DLG2: variants seen among roughly 807,000 people sequenced by gnomAD.
DLG2 encodes the protein discs large MAGUK scaffold protein 2, also known as disks large homolog 2.
A neutral mutation model predicts 132.5 loss-of-function variants in DLG2; 45 were observed. The ratio of observed to expected loss-of-function variants is 0.34; its 90% CI spans 0.27 to 0.44. The LOEUF is 0.44. Ranked by LOEUF, DLG2 falls within the 20% of genes least tolerant of loss-of-function variation. DLG2 has a pLI of 1.00. For synonymous variants in DLG2, 424 were observed against 419.6 expected, an observed-to-expected ratio of 1.01 and a Z score of -0.13; for missense variants, 1,045 against 1,196.9, an observed-to-expected ratio of 0.87 and a Z score of 1.87.
At chr11:84,997,368 C>T (rs544461994) in intron 6 of DLG2, 3 of 152,138 alleles carry the variant, frequency 2.0e-5, no homozygotes, top group Non-Finnish European at 2.9e-5. Context: ...TGTTATATCT[C>T]TAGGCACCCA....
At chr11:84,885,859 T>TA (rs2088194270) in intron 6 of DLG2, among the ~76,000 whole-genome samples, 1 of 121,674 alleles carries the variant, frequency 8.2e-6, no homozygotes, top group Non-Finnish European at 1.8e-5. Context: ...GTGTAAAAAC[T>TA]GCAAGATAAC....
At chr11:83,898,027 G>T (rs1596116701) in intron 15 of DLG2, among the ~76,000 whole-genome samples, 1 of 152,178 alleles carries the variant, frequency 6.6e-6, no homozygotes, top group African/African-American at 2.4e-5. Flanking sequence ...AAGTCCAAAG[G>T]CTGTGCTTTT....
chr11:85,360,109 G>C (rs754142129), intron 3 of DLG2, among the ~76,000 whole-genome samples: 1 of 152,150 alleles, frequency 6.6e-6, no homozygotes, highest in Non-Finnish European at 1.5e-5. Context: ...GATTCAGTTG[G>C]ACGGAAAAGT....
chr11:85,194,768 G>A (rs1328146751), intron 4 of DLG2, among the ~76,000 whole-genome samples: 2 of 152,156 alleles, frequency 1.3e-5, no homozygotes, highest in African/African-American at 2.4e-5. Context: ...TACCGATTGG[G>A]ATGGGGGAGT....
At chr11:84,070,856 G>C (rs1430913236) in intron 10 of DLG2, among the ~76,000 whole-genome samples, 1 of 152,076 alleles carries the variant, frequency 6.6e-6, no homozygotes, top group Non-Finnish European at 1.5e-5. Context: ...AACCCAGCCT[G>C]GCACCTATCT....
At chr11:84,682,156 C>T (rs1031885397) in intron 6 of DLG2, among the ~76,000 whole-genome samples, 20 of 152,152 alleles carry the variant, frequency 1.3e-4, no homozygotes, top group African/African-American at 4.6e-4. Flanking sequence ...CCAAACACCT[C>T]GCATTAAGCC....
At chr11:84,067,202 C>T (rs988592025) in intron 10 of DLG2, among the ~76,000 whole-genome samples, 10 of 151,976 alleles carry the variant, frequency 6.6e-5, no homozygotes, top group South Asian at 6.3e-4. Context: ...GGCATGGTGG[C>T]GGGCCTCTGT....
intron 7 of DLG2, among the ~76,000 whole-genome samples, chr11:84,357,916 G>T (rs1200283325): frequency 6.6e-6 from 1 of 151,718 alleles, no homozygotes; most frequent in African/African-American, 2.4e-5. Context: ...TAATTTTCTA[G>T]AAGTTGGCCA....
chr11:85,042,206 T>C (rs1470714730), intron 6 of DLG2, among the ~76,000 whole-genome samples: 1 of 151,968 alleles, frequency 6.6e-6, no homozygotes, highest in Non-Finnish European at 1.5e-5. Context: ...AAGAGATCTA[T>C]ATGTCAGCTA....
At chr11:84,626,283 C>T (rs1743010436) in intron 6 of DLG2, among the ~76,000 whole-genome samples, 1 of 152,122 alleles carries the variant, frequency 6.6e-6, no homozygotes, top group Non-Finnish European at 1.5e-5. Context: ...ATCTCTGGTA[C>T]CCCTGGCAAC....
At chr11:84,362,246 C>G (rs993545428) in intron 7 of DLG2, among the ~76,000 whole-genome samples, 3 of 151,924 alleles carry the variant, frequency 2.0e-5, no homozygotes, top group Non-Finnish European at 4.4e-5. Context: ...TACTAGTACT[C>G]AGAATCTACT....
chr11:84,665,088 T>G (rs548705177), intron 6 of DLG2, among the ~76,000 whole-genome samples: 2 of 152,252 alleles, frequency 1.3e-5, no homozygotes, highest in East Asian at 3.9e-4. Context: ...GAAGCAGAGC[T>G]GGCCCTTACC....
At chr11:84,027,582 A>C (rs79775898) in intron 11 of DLG2, among the ~76,000 whole-genome samples, 5,471 of 152,216 alleles carry the variant, frequency 0.036, 295 homozygotes, top group African/African-American at 0.12. Context: ...TTTAAACATG[A>C]AAGTGTTATA....
chr11:84,890,589 G>A (rs1402427542), intron 6 of DLG2, among the ~76,000 whole-genome samples: 2 of 152,086 alleles, frequency 1.3e-5, no homozygotes, highest in Non-Finnish European at 2.9e-5. Flanking sequence ...GAAAAGACAT[G>A]TCATTATGGT....
chr11:84,073,076 T>C (rs979843446), intron 10 of DLG2, among the ~76,000 whole-genome samples: 9 of 152,360 alleles, frequency 5.9e-5, no homozygotes, highest in Non-Finnish European at 7.3e-5. Context: ...TCATTCATTT[T>C]TGTATTTTTA....
intron 15 of DLG2, among the ~76,000 whole-genome samples, chr11:83,908,467 T>C (rs1680807370): frequency 6.6e-6 from 1 of 152,086 alleles, no homozygotes; most frequent in Non-Finnish European, 1.5e-5. Context: ...CATGAGCATA[T>C]ATGCATGCAC....
chr11:83,800,944 T>C (rs936461462), intron 17 of DLG2, among the ~76,000 whole-genome samples: 3 of 152,210 alleles, frequency 2.0e-5, no homozygotes, highest in Non-Finnish European at 2.9e-5. Context: ...ATTTTTACAT[T>C]AACTCCAGAC....
chr11:83,633,562 C>T (rs994803532), intron 18 of DLG2, among the ~76,000 whole-genome samples: 1 of 151,954 alleles, frequency 6.6e-6, no homozygotes, highest in African/African-American at 2.4e-5. Flanking sequence ...ATCAAATTCC[C>T]AACTTGTAAA....
chr11:84,484,616 TC>T (rs1377453350), intron 7 of DLG2, among the ~76,000 whole-genome samples: 1 of 152,206 alleles, frequency 6.6e-6, no homozygotes, highest in African/African-American at 2.4e-5. Flanking sequence ...TCTATTCATC[TC>T]CAGCAGTATC....
Sources: gnomAD v4.1 joint callset for allele counts (sites outside exome capture counted in the v4.1 genomes callset) on GRCh38, gnomAD v4.1.1 for gene constraint, MANE v1.5 for transcripts, NCBI Gene and HGNC (gene_info 2026-07-23, HGNC 2026-07-21) for gene names.